PDE10A: variants seen among roughly 807,000 people sequenced by gnomAD.
The protein encoded by PDE10A is phosphodiesterase 10A.
PDE10A carries 39 observed loss-of-function variants against 97.7 expected under a neutral mutation model. The ratio of observed to expected loss-of-function variants is 0.40; its 90% CI spans 0.31 to 0.52. The LOEUF is 0.52. Ranked by LOEUF, PDE10A falls within the 20% of genes least tolerant of loss-of-function variation. The pLI is 0.56. For missense variants in PDE10A, 731 were observed against 1,047.8 expected, an observed-to-expected ratio of 0.70 and a Z score of 4.17; for synonymous variants, 371 against 376.8, an observed-to-expected ratio of 0.98 and a Z score of 0.18.
At chr6:165,874,497 A>G (rs2128479230) in intron 1 of PDE10A, among the ~76,000 whole-genome samples, 2 of 152,350 alleles carry the variant, frequency 1.3e-5, no homozygotes, top group South Asian at 4.1e-4. Flanking sequence ...CCTGTGCAAT[A>G]TAAGAAGGAT....
At chr6:165,423,474 G>C (rs895729823) in intron 10 of PDE10A, among the ~76,000 whole-genome samples, 2 of 152,172 alleles carry the variant, frequency 1.3e-5, no homozygotes, top group Non-Finnish European at 2.9e-5. Flanking sequence ...GCGGTGCCCA[G>C]GATAACACTG....
intron 1 of PDE10A, among the ~76,000 whole-genome samples, chr6:165,975,498 A>T (rs2128502526): frequency 6.6e-6 from 1 of 152,352 alleles, no homozygotes; most frequent in East Asian, 1.9e-4. Flanking sequence ...ATTCAACAAA[A>T]AGTTTAAGAG....
chr6:165,339,208 T>G (rs1212187915), intron 20 of PDE10A, 70 bp downstream of exon 20: 2 of 872,098 alleles, frequency 2.3e-6, no homozygotes, highest in Non-Finnish European at 3.9e-6. Flanking sequence ...GCTTTCCATT[T>G]ATGTATGATT....
intron 3 of PDE10A, among the ~76,000 whole-genome samples, chr6:165,464,669 G>T (rs2128263056): frequency 6.6e-6 from 1 of 152,088 alleles, no homozygotes; most frequent in African/African-American, 2.4e-5. Flanking sequence ...ATCAATCCCT[G>T]TCCTCAAAAC....
chr6:165,627,808 G>C (rs1235813291), intron 1 of PDE10A, among the ~76,000 whole-genome samples: 4 of 152,154 alleles, frequency 2.6e-5, no homozygotes, highest in African/African-American at 9.7e-5. Flanking sequence ...CTCTGCAACA[G>C]GCAACTGTAC....
intron 1 of PDE10A, among the ~76,000 whole-genome samples, chr6:165,678,191 G>GTT (rs1790867747): frequency 6.8e-6 from 1 of 146,286 alleles, no homozygotes; most frequent in Non-Finnish European, 1.5e-5. Context: ...ATGTGTGTCT[G>GTT]TGTATGTATA....
intron 1 of PDE10A, among the ~76,000 whole-genome samples, chr6:165,933,462 C>T (rs1166756715): frequency 6.6e-6 from 1 of 152,184 alleles, no homozygotes; most frequent in African/African-American, 2.4e-5. Flanking sequence ...TGAACTCAAG[C>T]CAGTCGATCT....
intron 1 of PDE10A, among the ~76,000 whole-genome samples, chr6:165,619,069 GTAGTGTAGTC>G (rs1408138775): frequency 0.045 from 5,145 of 113,972 alleles, 391 homozygotes; most frequent in African/African-American, 0.18. Context: ...GTAGTGTAGT[GTAGTGTAGTC>G]TAGTGTAGTC....
chr6:165,499,954 G>T (rs1780767195), intron 2 of PDE10A, among the ~76,000 whole-genome samples: 1 of 152,134 alleles, frequency 6.6e-6, no homozygotes, highest in East Asian at 1.9e-4. Context: ...ACATGATAAA[G>T]AGAATCTGTA....
At chr6:165,906,854 A>T (rs963138588) in intron 1 of PDE10A, among the ~76,000 whole-genome samples, 4 of 152,198 alleles carry the variant, frequency 2.6e-5, no homozygotes, top group Non-Finnish European at 4.4e-5. Context: ...TGGCCAAGAG[A>T]GGTGAAGTAA....
At chr6:165,422,713 A>G (rs574622472) in intron 10 of PDE10A, among the ~76,000 whole-genome samples, 2 of 152,306 alleles carry the variant, frequency 1.3e-5, no homozygotes, top group Admixed American at 1.3e-4. Context: ...GGCTCAAGCA[A>G]AAATGAAGAA....
chr6:165,649,778 G>A (rs773337259), intron 1 of PDE10A, among the ~76,000 whole-genome samples: 4 of 152,184 alleles, frequency 2.6e-5, no homozygotes, highest in East Asian at 1.9e-4. Context: ...CTGGAGAAGC[G>A]CTAGTATCTA....
intron 1 of PDE10A, among the ~76,000 whole-genome samples, chr6:165,611,163 A>G (rs1485150373): frequency 6.6e-6 from 1 of 152,130 alleles, no homozygotes; most frequent in African/African-American, 2.4e-5. Flanking sequence ...GCAAAAAAAC[A>G]AAAAGTAATT....
At chr6:165,637,532 T>G (rs749735490) in intron 1 of PDE10A, among the ~76,000 whole-genome samples, 95 of 152,168 alleles carry the variant, frequency 6.2e-4, no homozygotes, top group Admixed American at 4.3e-3. Flanking sequence ...AGACTACACA[T>G]GCAGTCAAAA....
intron 1 of PDE10A, among the ~76,000 whole-genome samples, chr6:165,942,292 A>ATG (rs769075600): frequency 8.8e-6 from 1 of 113,494 alleles, no homozygotes; most frequent in African/African-American, 4.4e-5. Context: ...ATGTGTGTGT[A>ATG]TATATATATA....
At chr6:165,694,333 A>AG (rs1791386811) in intron 1 of PDE10A, among the ~76,000 whole-genome samples, 1 of 152,234 alleles carries the variant, frequency 6.6e-6, no homozygotes, top group South Asian at 2.1e-4. Context: ...ACCATGAGAG[A>AG]GGGCAGCCTG....
rs1051402874 is a variant in PDE10A at position 165,855,288 on chromosome 6, G to A, written c.-615+132241C>T. ...GCACCAGCCTTCGAGGGGACTCATA[G>A]GCGGCGCGGGAAGTGGCGGGGGGGG... is the stretch of plus-strand genomic sequence containing the variant. On this transcript the variant is annotated intron_variant, in intron 1 of 19. Coordinates refer to the PDE10A transcript ENST00000366882. 3.0e-5 allele frequency among the ~76,000 whole-genome samples: 4 copies of A among 134,006 alleles called. No homozygotes were observed. The Admixed American group carries it at 3.2e-4, about 11-fold the overall frequency. The allele number at this position is 134,006 out of a possible 152,430, so 87.9% of individuals were successfully genotyped here. A position where few individuals can be genotyped will look rare whatever the true frequency, so the allele number is the denominator to read the frequency against.
At chr6:165,643,031 T>A (rs965782519) in intron 1 of PDE10A, among the ~76,000 whole-genome samples, 5 of 152,184 alleles carry the variant, frequency 3.3e-5, no homozygotes, top group African/African-American at 7.2e-5. Context: ...CATTCTCCAG[T>A]GGCAAGTCAA....
intron 3 of PDE10A, among the ~76,000 whole-genome samples, chr6:165,481,263 G>A (rs947166964): frequency 3.8e-4 from 58 of 152,096 alleles, no homozygotes; most frequent in African/African-American, 1.3e-3. Context: ...CCTTTTAAGC[G>A]TCCAGACCAA....
Sources: gnomAD v4.1 joint callset for allele counts (sites outside exome capture counted in the v4.1 genomes callset) on GRCh38, gnomAD v4.1.1 for gene constraint, MANE v1.5 for transcripts, NCBI Gene and HGNC (gene_info 2026-07-23, HGNC 2026-07-21) for gene names.